Variants in CTNNA3 observed in about 807,000 individuals in gnomAD.
CTNNA3 encodes catenin alpha 3, also known as catenin alpha-3.
CTNNA3 carries 76 observed loss-of-function variants against 95.7 expected under a neutral mutation model. That is an observed-to-expected ratio of 0.79 (90% CI 0.66 to 0.96). CTNNA3 has a LOEUF of 0.96. CTNNA3 is among the 40% of genes least tolerant of loss of function. CTNNA3 has a pLI of 0.00. For missense variants in CTNNA3, 1,191 were observed against 1,089.8 expected, an observed-to-expected ratio of 1.09 and a Z score of -1.31; for synonymous variants, 431 against 374.4, an observed-to-expected ratio of 1.15 and a Z score of -1.74.
At chr10:67,217,149 C>T (rs917191237) in intron 6 of CTNNA3, among the ~76,000 whole-genome samples, 1 of 152,202 alleles carries the variant, frequency 6.6e-6, no homozygotes, top group Non-Finnish European at 1.5e-5. Context: ...TTACTCCCAA[C>T]AGAGTATTTA....
intron 12 of CTNNA3, among the ~76,000 whole-genome samples, chr10:66,365,239 C>G (rs1386271866): frequency 6.6e-6 from 1 of 152,058 alleles, no homozygotes; most frequent in East Asian, 1.9e-4. Flanking sequence ...TTTGCAGAGA[C>G]ATGGATGAAG....
At chr10:67,701,424 G>C (rs1452298565) in intron 1 of CTNNA3, among the ~76,000 whole-genome samples, 1 of 152,206 alleles carries the variant, frequency 6.6e-6, no homozygotes, top group African/African-American at 2.4e-5. Flanking sequence ...AACAGTGGAT[G>C]TCTTGGCAGA....
chr10:66,682,943 C>A (rs951445178), intron 9 of CTNNA3, among the ~76,000 whole-genome samples: 27 of 152,110 alleles, frequency 1.8e-4, no homozygotes, highest in African/African-American at 6.3e-4. Flanking sequence ...TACCTGCCCT[C>A]CTCATTTCAC....
intron 5 of CTNNA3, among the ~76,000 whole-genome samples, chr10:67,462,200 G>A (rs1847404971): frequency 6.6e-6 from 1 of 152,100 alleles, no homozygotes; most frequent in African/African-American, 2.4e-5. Flanking sequence ...TCAATTCCAA[G>A]TGAAAATGTC....
Position 66,930,964 on chromosome 10 carries a change from A to C in CTNNA3, c.1048-155440T>G, listed in dbSNP as rs562325835. Among the ~76,000 whole-genome samples, 4 of 152,278 alleles carry C rather than the reference A, an allele frequency of 2.6e-5. No homozygotes were observed. In the East Asian group the frequency reaches 7.7e-4, roughly 29 times the overall value. On this transcript the variant is annotated intron_variant, in intron 7 of 17. Coordinates refer to ENST00000433211, the MANE Select transcript of CTNNA3 (RefSeq NM_013266.4). ...CTGAGCACAGATATATAATTCTTGT[A>C]GATTTAATAACTAGTTTACCACTGT...
At chr10:66,810,604 A>C (rs1289412221) in intron 7 of CTNNA3, among the ~76,000 whole-genome samples, 6 of 151,750 alleles carry the variant, frequency 4.0e-5, no homozygotes, top group African/African-American at 9.7e-5. Flanking sequence ...CCCTAAAATA[A>C]CTCCAACACT....
rs193209916 is a variant in CTNNA3, at chr10:67,355,523, A to G, written c.580-135653T>C. ...ATGATTGATAATAATTGGTGGCTAT[A>G]CAAATAATGTAAGCACAAAAAAAAA... On this transcript the variant is annotated intron_variant, in intron 5 of 17. Coordinates refer to ENST00000433211, the MANE Select transcript of CTNNA3 (RefSeq NM_013266.4). Among the ~76,000 whole-genome samples the G allele has an allele frequency of 4.1e-4, 63 of 152,176 alleles. No homozygotes were observed. In the East Asian group the frequency reaches 0.012, roughly 28 times the overall value.
chr10:66,203,680 T>C (rs1051095975), intron 13 of CTNNA3, among the ~76,000 whole-genome samples: 2 of 152,120 alleles, frequency 1.3e-5, no homozygotes, highest in African/African-American at 4.8e-5. Context: ...TTAAAAATCA[T>C]GTCTACAATT....
intron 5 of CTNNA3, among the ~76,000 whole-genome samples, chr10:67,479,662 A>G (rs1848144298): frequency 6.6e-6 from 1 of 152,154 alleles, no homozygotes; most frequent in Non-Finnish European, 1.5e-5. Flanking sequence ...ACCATCTAAC[A>G]TGACACCTAG....
intron 10 of CTNNA3, among the ~76,000 whole-genome samples, chr10:66,525,432 A>G (rs1421177507): frequency 6.6e-6 from 1 of 152,154 alleles, no homozygotes; most frequent in Admixed American, 6.5e-5. Flanking sequence ...ATTTTCAGGT[A>G]AGGTTACCAA....
intron 16 of CTNNA3, among the ~76,000 whole-genome samples, chr10:65,977,571 A>C (rs1436662656): frequency 6.6e-6 from 1 of 152,100 alleles, no homozygotes; most frequent in Non-Finnish European, 1.5e-5. Flanking sequence ...ACCTGAGGTC[A>C]GGAGTTCGAG....
intron 2 of CTNNA3, among the ~76,000 whole-genome samples, chr10:67,620,921 G>GTATATATATA (rs1272442858): frequency 1.3e-4 from 12 of 94,834 alleles, no homozygotes; most frequent in African/African-American, 4.6e-4. Context: ...GTGTGTGTGT[G>GTATATATATA]TGTATATATA....
At chr10:66,049,453 A>G (rs538606831) in intron 15 of CTNNA3, among the ~76,000 whole-genome samples, 2 of 152,332 alleles carry the variant, frequency 1.3e-5, no homozygotes, top group African/African-American at 4.8e-5. Context: ...ACCCAGAGGA[A>G]TAGAAATCAT....
intron 7 of CTNNA3, among the ~76,000 whole-genome samples, chr10:67,114,126 T>A (rs1241955266): frequency 2.0e-5 from 3 of 151,650 alleles, no homozygotes; most frequent in Non-Finnish European, 2.9e-5. Flanking sequence ...AGAAAAAAAA[T>A]TAATGTATAT....
chr10:67,737,005 C>A (rs1841306649), intron 1 of CTNNA3, among the ~76,000 whole-genome samples: 1 of 151,854 alleles, frequency 6.6e-6, no homozygotes, highest in South Asian at 2.1e-4. Context: ...ACACTGTCAC[C>A]CAGCCTGGAG....
At chr10:67,678,544 A>G (rs1282949405) in intron 1 of CTNNA3, among the ~76,000 whole-genome samples, 4 of 152,240 alleles carry the variant, frequency 2.6e-5, no homozygotes, top group Non-Finnish European at 5.9e-5. Flanking sequence ...TGAAAGTGAC[A>G]GGAACCTTGG....
rs1196604351 is a variant in CTNNA3 at position 65,916,275 on chromosome 10, A to G, written c.*4055T>C. ...CTGGCTTTACAAACAGAAAAAATGA[A>G]TATTTGATTCCTAAATATACAATAG... On this transcript the variant is annotated 3_prime_UTR_variant, in exon 18 of 18. Transcript: ENST00000433211. The G allele has an allele frequency of 6.6e-6, 1 of 152,142 alleles. No homozygotes were observed. Among genetic ancestry groups the G allele is most frequent in the African/African-American group, 2.4e-5 (1 of 41,442 alleles). 9.4% of individuals were successfully genotyped at this position (152,142 alleles called of 1,614,324 possible).
rs1175911292 is a variant in CTNNA3, at chr10:66,558,123, A to G, written c.1375-37350T>C. Among the ~76,000 whole-genome samples the G allele has an allele frequency of 2.2e-4, 34 of 152,128 alleles. 1 individual carries two copies. Among genetic ancestry groups the G allele is most frequent in the Admixed American group, 2.2e-3 (34 of 15,264 alleles). On this transcript the variant is annotated intron_variant, in intron 10 of 17. Coordinates refer to ENST00000433211, the MANE Select transcript of CTNNA3 (RefSeq NM_013266.4). Reference sequence around the variant, plus strand: ...AGAATAAGCACTGGGGAAAACTGGGATATGGATAAGCACATGCCATCATTT... The same window carrying G: ...AGAATAAGCACTGGGGAAAACTGGGGTATGGATAAGCACATGCCATCATTT...
chr10:65,985,257 G>T (rs1229472390), intron 16 of CTNNA3, among the ~76,000 whole-genome samples: 1 of 150,862 alleles, frequency 6.6e-6, no homozygotes, highest in Non-Finnish European at 1.5e-5. Context: ...TGAAACAGTT[G>T]CAAAAATCCT....
Sources: allele counts gnomAD v4.1 joint callset (sites outside exome capture counted in the v4.1 genomes callset), GRCh38; gene constraint gnomAD v4.1.1; transcripts MANE v1.5; gene names NCBI Gene and HGNC (gene_info 2026-07-23, HGNC 2026-07-21).